The following GABPB1 variants were observed in gnomAD, a reference collection of about 807,000 sequenced individuals.
GABPB1 encodes GA binding protein transcription factor subunit beta 1, also known as GA-binding protein subunit beta-1.
GABPB1 carries 15 observed loss-of-function variants against 45.9 expected under a neutral mutation model. That is an observed-to-expected ratio of 0.33 (90% confidence interval 0.22 to 0.50). GABPB1 has a LOEUF of 0.50. Among genes scored for constraint, GABPB1 ranks in the 20% least tolerant of loss-of-function variants. The pLI is 0.98. For missense variants in GABPB1, 252 were observed against 457.5 expected, an observed-to-expected ratio of 0.55 and a Z score of 4.10; for synonymous variants, 143 against 154.4, an observed-to-expected ratio of 0.93 and a Z score of 0.55.
chr15:50,333,770 T>C (rs2048023592), intron 1 of GABPB1, among the ~76,000 whole-genome samples: 1 of 152,344 alleles, frequency 6.6e-6, no homozygotes, highest in Non-Finnish European at 1.5e-5. Context: ...GGCTCACGCC[T>C]GTAATGCCAA....
chr15:50,325,286 G>A (rs550087696), intron 1 of GABPB1, among the ~76,000 whole-genome samples: 1 of 143,470 alleles, frequency 7.0e-6, no homozygotes, highest in South Asian at 2.2e-4. Flanking sequence ...AGGGCACTAA[G>A]GCAATATGAT....
At chr15:50,338,602 T>A (rs1480789967) in intron 1 of GABPB1, among the ~76,000 whole-genome samples, 1 of 151,942 alleles carries the variant, frequency 6.6e-6, no homozygotes, top group Non-Finnish European at 1.5e-5. Flanking sequence ...GCCTCCCGAG[T>A]AGCTGGGGCT....
chr15:50,278,578 A>G lies in GABPB1; in HGVS notation c.*54T>C. On this transcript the variant is annotated 3_prime_UTR_variant, in exon 9 of 9. Transcript: ENST00000380877. ...GCTGTACCTTTGTTGTGTACAGTTCAAGATTGTATTCTTTCTTGACCAAAA... is the reference window on the plus strand; with the variant it reads ...GCTGTACCTTTGTTGTGTACAGTTCGAGATTGTATTCTTTCTTGACCAAAA... 2.0e-6 allele frequency: 3 copies of G among 1,506,846 alleles called. No individual in the cohort carries two copies. The South Asian group carries it at 3.5e-5, about 17-fold the overall frequency. The allele number at this position is 1,506,846 out of a possible 1,614,324, so 93.3% of individuals were successfully genotyped here. A position where few individuals can be genotyped will look rare whatever the true frequency, so the allele number is the denominator to read the frequency against.
intron 1 of GABPB1, among the ~76,000 whole-genome samples, chr15:50,332,295 G>A (rs530057846): frequency 7.1e-4 from 107 of 151,754 alleles, no homozygotes; most frequent in Non-Finnish European, 1.3e-3. Context: ...CTGTTCTTTT[G>A]TTGGTTTTCT....
At chr15:50,285,944 G>T in intron 8 of GABPB1, 124 bp downstream of exon 8, 1 of 1,439,732 alleles carries the variant, frequency 6.9e-7, no homozygotes, top group South Asian at 1.6e-5. Context: ...TAAACAAAAT[G>T]AAAATACTAC....
intron 1 of GABPB1, among the ~76,000 whole-genome samples, chr15:50,323,705 T>G (rs892293843): frequency 6.6e-6 from 1 of 151,770 alleles, no homozygotes; most frequent in African/African-American, 2.4e-5. Context: ...TTCCCTAAAA[T>G]AAAATAAAAA....
chr15:50,295,803 C>T (rs951314872), intron 6 of GABPB1, among the ~76,000 whole-genome samples: 1 of 152,098 alleles, frequency 6.6e-6, no homozygotes, highest in Non-Finnish European at 1.5e-5. Flanking sequence ...TAAAAGTAAT[C>T]TCTTTCCAGT....
intron 5 of GABPB1, 154 bp downstream of exon 5, chr15:50,301,103 A>G: frequency 8.6e-7 from 1 of 1,158,192 alleles, no homozygotes; most frequent in Middle Eastern, 2.3e-4. Context: ...AGTTATACCA[A>G]AGAAAACAAA....
At chr15:50,281,378 AT>A (rs10717896) in intron 8 of GABPB1, among the ~76,000 whole-genome samples, 50,986 of 151,890 alleles carry the variant, frequency 0.34, 10,436 homozygotes, top group Non-Finnish European at 0.47. Flanking sequence ...TGCTCAGCTA[AT>A]TTTTTGTATT....
intron 8 of GABPB1, 127 bp from the exon 9 acceptor site, chr15:50,278,911 C>T: frequency 1.5e-6 from 1 of 666,690 alleles, no homozygotes; most frequent in Non-Finnish European, 2.3e-6. Flanking sequence ...ATTGAAATTT[C>T]CTAGACATCT....
At chr15:50,317,232 C>T (rs1009873494) in intron 1 of GABPB1, among the ~76,000 whole-genome samples, 1 of 151,618 alleles carries the variant, frequency 6.6e-6, no homozygotes, top group Non-Finnish European at 1.5e-5. Flanking sequence ...CCCACCTTTA[C>T]TAAAAATAAA....
At chr15:50,282,988 G>A (rs191054931) in intron 8 of GABPB1, among the ~76,000 whole-genome samples, 26 of 152,292 alleles carry the variant, frequency 1.7e-4, no homozygotes, top group African/African-American at 5.8e-4. Flanking sequence ...CTAGGAGGCG[G>A]AGGTTGCAGT....
chr15:50,311,026 A>G (rs1333312316), intron 1 of GABPB1, among the ~76,000 whole-genome samples: 1 of 151,674 alleles, frequency 6.6e-6, no homozygotes, highest in African/African-American at 2.4e-5. Flanking sequence ...TGAATTTAAT[A>G]TATCTGAAAA....
At chr15:50,295,946 G>T (rs925495936) in intron 6 of GABPB1, among the ~76,000 whole-genome samples, 1 of 152,184 alleles carries the variant, frequency 6.6e-6, no homozygotes, top group Admixed American at 6.5e-5. Context: ...AATAGACATT[G>T]TAAGGTTCTC....
intron 5 of GABPB1, 155 bp downstream of exon 5, chr15:50,301,102 A>G (rs759211199): frequency 1.0e-4 from 115 of 1,148,038 alleles, no homozygotes; most frequent in Non-Finnish European, 1.4e-4. Context: ...CAGTTATACC[A>G]AAGAAAACAA....
intron 6 of GABPB1, among the ~76,000 whole-genome samples, chr15:50,297,679 A>G (rs2046570629): frequency 6.6e-6 from 1 of 152,182 alleles, no homozygotes; most frequent in East Asian, 1.9e-4. Flanking sequence ...TACTAAAAAT[A>G]CAAAAATTGG....
At chr15:50,295,784 A>G (rs2141004820) in intron 6 of GABPB1, among the ~76,000 whole-genome samples, 1 of 152,178 alleles carries the variant, frequency 6.6e-6, no homozygotes, top group East Asian at 1.9e-4. Flanking sequence ...ACCCACCCCC[A>G]ACTCCAGCTA....
chr15:50,349,963 G>A (rs2048759749), intron 1 of GABPB1: 1 of 151,872 alleles, frequency 6.6e-6, no homozygotes, highest in South Asian at 2.1e-4. Flanking sequence ...ATATATTTTT[G>A]GGTTTTTTTA....
intron 6 of GABPB1, among the ~76,000 whole-genome samples, chr15:50,294,118 A>C (rs1481779400): frequency 1.3e-5 from 2 of 152,238 alleles, no homozygotes; most frequent in Admixed American, 1.3e-4. Flanking sequence ...TTGTTCAATA[A>C]GAATTCTGAA....
Sources: gnomAD v4.1 joint callset for allele counts (sites outside exome capture counted in the v4.1 genomes callset) on GRCh38, gnomAD v4.1.1 for gene constraint, MANE v1.5 for transcripts, NCBI Gene and HGNC (gene_info 2026-07-23, HGNC 2026-07-21) for gene names.